SEPTIN7: variants seen among roughly 807,000 people sequenced by gnomAD.
SEPTIN7 encodes septin 7.
SEPTIN7 carries 10 observed loss-of-function variants against 63.3 expected under a neutral mutation model. That is an observed-to-expected ratio of 0.16 (90% CI 0.10 to 0.27). SEPTIN7 has a LOEUF of 0.27. SEPTIN7 is among the 10% of genes least tolerant of loss of function. The pLI is 1.00. For missense variants in SEPTIN7, 310 were observed against 521.0 expected, an observed-to-expected ratio of 0.59 and a Z score of 3.94; for synonymous variants, 131 against 165.3, an observed-to-expected ratio of 0.79 and a Z score of 1.59.
chr7:35,835,892 G>T (rs921081184), intron 3 of SEPTIN7, among the ~76,000 whole-genome samples: 4 of 152,162 alleles, frequency 2.6e-5, no homozygotes, highest in African/African-American at 9.7e-5. Flanking sequence ...CACTTTTTAT[G>T]TGTTCAAAGA....
Position 35,904,626 on chromosome 7 carries a change from T to C in SEPTIN7, c.*333T>C, listed in dbSNP as rs569853786. ...TGATTGTTTACAGGATATTCCAAAA[T>C]AAAAGGACTCTGGAAGATTTTCATT... is the stretch of plus-strand genomic sequence containing the variant. On this transcript the variant is annotated 3_prime_UTR_variant, in exon 14 of 14. Transcript: ENST00000350320. 5.4e-6 allele frequency: 1 copy of C among 184,568 alleles called. No homozygotes were observed. The highest frequency in any genetic ancestry group is 1.9e-4 in the South Asian group (1 of 5,218). 11.4% of individuals were successfully genotyped at this position (184,568 alleles called of 1,614,324 possible). A position where few individuals can be genotyped will look rare whatever the true frequency, so the allele number is the denominator to read the frequency against.
At chr7:35,885,684 C>T in intron 9 of SEPTIN7, 144 bp from the exon 10 acceptor site, 1 of 679,230 alleles carries the variant, frequency 1.5e-6, no homozygotes. Context: ...ATTGAGTGTA[C>T]TATGTTAGTG....
intron 3 of SEPTIN7, among the ~76,000 whole-genome samples, chr7:35,842,915 C>T (rs1408854650): frequency 1.3e-5 from 2 of 152,048 alleles, no homozygotes; most frequent in East Asian, 1.9e-4. Flanking sequence ...GTTATACACA[C>T]ACAGACACAC....
At chr7:35,856,331 T>A (rs1461896244) in intron 3 of SEPTIN7, among the ~76,000 whole-genome samples, 1 of 152,168 alleles carries the variant, frequency 6.6e-6, no homozygotes. Context: ...TGGTGCTGAG[T>A]GATATTCCAT....
At chr7:35,817,188 C>T (rs1789124535) in intron 1 of SEPTIN7, among the ~76,000 whole-genome samples, 2 of 151,622 alleles carry the variant, frequency 1.3e-5, no homozygotes, top group Middle Eastern at 3.4e-3. Context: ...AGTTTTAGAC[C>T]TTTATGTTTA....
At chr7:35,914,970 A>T in the SEPTIN7 span, among the ~76,000 whole-genome samples, 1 of 152,062 alleles carries the variant, frequency 6.6e-6, no homozygotes, top group Non-Finnish European at 1.5e-5. Context: ...ACATATATTT[A>T]TGTACACATA....
chr7:35,915,140 TAC>T, the SEPTIN7 span, among the ~76,000 whole-genome samples: 1 of 152,134 alleles, frequency 6.6e-6, no homozygotes, highest in Admixed American at 6.5e-5. Flanking sequence ...TACATGCATA[TAC>T]ACATGTATAC....
At chr7:35,819,519 C>T (rs891768720) in intron 1 of SEPTIN7, among the ~76,000 whole-genome samples, 1 of 151,898 alleles carries the variant, frequency 6.6e-6, no homozygotes, top group Non-Finnish European at 1.5e-5. Context: ...GTTGTTTTAC[C>T]CGTTATTGAA....
intron 1 of SEPTIN7, among the ~76,000 whole-genome samples, chr7:35,815,535 A>G (rs1460631143): frequency 6.6e-6 from 1 of 152,128 alleles, no homozygotes; most frequent in Non-Finnish European, 1.5e-5. Flanking sequence ...CAATTTATTT[A>G]CATACTTGGA....
intron 1 of SEPTIN7, among the ~76,000 whole-genome samples, chr7:35,825,936 G>A (rs1317107813): frequency 6.6e-6 from 1 of 152,080 alleles, no homozygotes. Flanking sequence ...GTACCCAGTT[G>A]TTCATATCAG....
chr7:35,819,566 G>GT (rs1310718968), intron 1 of SEPTIN7, among the ~76,000 whole-genome samples: 1 of 151,736 alleles, frequency 6.6e-6, no homozygotes, highest in Non-Finnish European at 1.5e-5. Flanking sequence ...CTGTTCAGTT[G>GT]TTTTTTTTAC....
At chr7:35,903,833 C>T (rs1253288599) in intron 13 of SEPTIN7, among the ~76,000 whole-genome samples, 1 of 152,176 alleles carries the variant, frequency 6.6e-6, no homozygotes, top group Non-Finnish European at 1.5e-5. Flanking sequence ...TGTTCTACTA[C>T]ACTACCCTAC....
intron 3 of SEPTIN7, among the ~76,000 whole-genome samples, chr7:35,860,541 T>C (rs1785449645): frequency 1.3e-5 from 2 of 152,212 alleles, no homozygotes; most frequent in South Asian, 4.1e-4. Context: ...GTAGTGATAA[T>C]GAACCTCCCT....
chr7:35,876,418 A>G (rs568070286), intron 6 of SEPTIN7, among the ~76,000 whole-genome samples: 2 of 152,342 alleles, frequency 1.3e-5, no homozygotes, highest in South Asian at 2.1e-4. Flanking sequence ...TAAATTTGTC[A>G]TGAATATGAA....
chr7:35,807,742 C>G (rs996717318), intron 1 of SEPTIN7, among the ~76,000 whole-genome samples: 1 of 152,028 alleles, frequency 6.6e-6, no homozygotes, highest in Non-Finnish European at 1.5e-5. Flanking sequence ...AGGTGATCCA[C>G]CTGCCTTGGC....
At chr7:35,897,062 G>A (rs1404441029) in intron 11 of SEPTIN7, among the ~76,000 whole-genome samples, 2 of 152,262 alleles carry the variant, frequency 1.3e-5, no homozygotes, top group Non-Finnish European at 1.5e-5. Flanking sequence ...ATAAGAGTGT[G>A]TCAAATCAGG....
rs1786301066 is a variant in SEPTIN7, at chr7:35,873,734, G to A, written c.471G>A (p.Arg157=). 1 of 1,610,846 alleles carries A rather than the reference G, an allele frequency of 6.2e-7. No homozygotes were observed. The highest frequency in any genetic ancestry group is 2.3e-4 in the Middle Eastern group (1 of 4,426). ...RVNRRQMPDN[R]VQCCLYFIAP... ...ACAGACGTCAGATGCCTGATAACAG[G>A]GTGCAGTGTTGTTTATACTTCATTG... The change falls in exon 6 of 14, where the codon AGG becomes AGA. Residue 157 remains arginine (R), a synonymous_variant. Coordinates refer to ENST00000350320, the MANE Select transcript of SEPTIN7 (RefSeq NM_001788.6).
chr7:35,844,007 A>G (rs927119537), intron 3 of SEPTIN7, among the ~76,000 whole-genome samples: 4 of 152,254 alleles, frequency 2.6e-5, no homozygotes, highest in African/African-American at 7.2e-5. Context: ...AATTACAGCA[A>G]TAACATAAAG....
At chr7:35,839,956 T>C (rs990537632) in intron 3 of SEPTIN7, among the ~76,000 whole-genome samples, 3 of 152,214 alleles carry the variant, frequency 2.0e-5, no homozygotes, top group African/African-American at 7.2e-5. Flanking sequence ...AGTTTTGTTA[T>C]ATGTATGTTG....
Sources: gnomAD v4.1 joint callset for allele counts (sites outside exome capture counted in the v4.1 genomes callset) on GRCh38, gnomAD v4.1.1 for gene constraint, MANE v1.5 for transcripts, NCBI Gene and HGNC (gene_info 2026-07-23, HGNC 2026-07-21) for gene names.